The following RPTOR variants were observed in gnomAD, a reference collection of about 807,000 sequenced individuals.
RPTOR encodes regulatory-associated protein of mTOR.
Under a neutral mutation model 169.9 loss-of-function variants are expected in RPTOR, and 21 were observed. The ratio of observed to expected loss-of-function variants is 0.12; its 90% CI spans 0.09 to 0.18. RPTOR has a LOEUF of 0.18. RPTOR is among the 10% of genes least tolerant of loss of function. RPTOR has a pLI of 1.00. For missense variants in RPTOR, 1,133 were observed against 1,855.9 expected (o/e 0.61, Z 7.16); for synonymous variants, 732 against 753.2 (o/e 0.97, Z 0.46).
chr17:80,637,185 A>T (rs1236635858), intron 2 of RPTOR, among the ~76,000 whole-genome samples: 3 of 152,238 alleles, frequency 2.0e-5, no homozygotes, highest in African/African-American at 7.2e-5. Flanking sequence ...TGAACCATGC[A>T]GGAAGACAGC....
intron 5 of RPTOR, among the ~76,000 whole-genome samples, chr17:80,751,338 G>A (rs2066628456): frequency 6.6e-6 from 1 of 152,202 alleles, no homozygotes; most frequent in South Asian, 2.1e-4. Context: ...CGGCACTCTG[G>A]ACGCATGTGC....
At chr17:80,799,666 G>A (rs1181061627) in intron 7 of RPTOR, among the ~76,000 whole-genome samples, 1 of 152,122 alleles carries the variant, frequency 6.6e-6, no homozygotes, top group Non-Finnish European at 1.5e-5. Context: ...CAAGCTTCAT[G>A]ACCTGCAGGA....
At chr17:80,584,441 G>A (rs2065041833) in intron 1 of RPTOR, among the ~76,000 whole-genome samples, 1 of 149,336 alleles carries the variant, frequency 6.7e-6, no homozygotes, top group Non-Finnish European at 1.5e-5. Context: ...CTGGGAAAAA[G>A]CCCTGTGGAA....
In RPTOR at chr17:80,960,009, C is replaced by G. The variant is rs373875827; in HGVS notation, c.3478-69C>G. The G allele has an allele frequency of 1.3e-6, 2 of 1,581,628 alleles. No individual in the cohort carries two copies. Among genetic ancestry groups the G allele is most frequent in the Non-Finnish European group, 1.7e-6 (2 of 1,157,828 alleles). The stretch of plus-strand genomic sequence containing the variant: ...AGGCAGGCAGCAAGAGGGGTCCTGG[C>G]GCTGCAGGACAGCAGGGAGGGTGGC... On this transcript the variant is annotated intron_variant, in intron 29 of 33. Transcript: ENST00000306801. This position sits in a 1 kb window ranked among gnomAD's most constrained non-coding sequence, Gnocchi z 4.8.
intron 2 of RPTOR, among the ~76,000 whole-genome samples, chr17:80,631,850 G>A (rs1224039294): frequency 2.0e-5 from 3 of 152,146 alleles, no homozygotes; most frequent in African/African-American, 7.2e-5. Context: ...GCAGCAGGAG[G>A]ATTGCTTGAG....
intron 6 of RPTOR, among the ~76,000 whole-genome samples, chr17:80,766,858 C>A (rs2066792759): frequency 6.6e-6 from 1 of 151,848 alleles, no homozygotes; most frequent in Non-Finnish European, 1.5e-5. Context: ...ACATTAAACC[C>A]TAAGTAAGTA....
At chr17:80,773,856 T>C (rs933707314) in intron 6 of RPTOR, 5 of 985,216 alleles carry the variant, frequency 5.1e-6, no homozygotes, top group African/African-American at 1.7e-5. Context: ...GTGTGTTCTG[T>C]TGTGCATCAG....
chr17:80,686,419 A>G (rs970730631), intron 3 of RPTOR, among the ~76,000 whole-genome samples: 5 of 151,428 alleles, frequency 3.3e-5, no homozygotes, highest in African/African-American at 1.2e-4. Context: ...CCTCCTTTGA[A>G]GTAGACGCAA....
intron 3 of RPTOR, among the ~76,000 whole-genome samples, chr17:80,665,832 C>G (rs186753497): frequency 6.6e-6 from 1 of 152,122 alleles, no homozygotes. Flanking sequence ...CGTGAGCCAC[C>G]GCGCCCGGCC....
Position 80,964,211 on chromosome 17 carries a change from C to CA in RPTOR, c.3940-50dup. 4.5e-6 allele frequency: 6 copies of CA among 1,328,136 alleles called. No individual in the cohort carries two copies. In the Admixed American group the frequency reaches 5.2e-5, roughly 11 times the overall value. 82.3% of individuals were successfully genotyped at this position (1,328,136 alleles called of 1,614,324 possible). On this transcript the variant is annotated intron_variant, in intron 33 of 33. Transcript: ENST00000306801. The stretch of plus-strand genomic sequence containing the variant: ...TTGGCCTGCGCCCCCCCGCCCCCCG[C>CA]AGTGTCTGCCCGCACCTGAACCCCT...
At chr17:80,895,980 A>G (rs145058677) in intron 20 of RPTOR, among the ~76,000 whole-genome samples, 99 of 152,258 alleles carry the variant, frequency 6.5e-4, no homozygotes, top group African/African-American at 2.2e-3. Flanking sequence ...CATCTAATCT[A>G]TGACTTTTTA....
At chr17:80,709,216 T>A in intron 4 of RPTOR, 3 of 448,698 alleles carry the variant, frequency 6.7e-6, no homozygotes, top group Non-Finnish European at 5.9e-6. Flanking sequence ...AAATATTGAG[T>A]AAATTCAAAA....
chr17:80,912,285 C>A (rs2068622440), intron 21 of RPTOR, among the ~76,000 whole-genome samples: 1 of 152,172 alleles, frequency 6.6e-6, no homozygotes, highest in African/African-American at 2.4e-5. Flanking sequence ...TGGCTGTGGC[C>A]ATGGACCACC....
Position 80,653,994 on chromosome 17 carries a change from C to G in RPTOR, c.348+10184C>G, listed in dbSNP as rs1400894773. ...TTTGATGCTTCCCTGGATGGCCAGG[C>G]TGTACGGCCAGTGTTAAAAGACAGA... On this transcript the variant is annotated intron_variant, in intron 3 of 33. Coordinates refer to ENST00000306801, the MANE Select transcript of RPTOR (RefSeq NM_020761.3). 2.6e-5 allele frequency among the ~76,000 whole-genome samples: 4 copies of G among 151,498 alleles called. No homozygotes were observed. The East Asian group carries it at 7.8e-4, about 30-fold the overall frequency.
chr17:80,552,982 C>A (rs2084363827), intron 1 of RPTOR, among the ~76,000 whole-genome samples: 1 of 152,204 alleles, frequency 6.6e-6, no homozygotes, highest in Non-Finnish European at 1.5e-5. Context: ...TTCTCCTAGA[C>A]CCTTGCAGGG....
Position 80,737,807 on chromosome 17 carries a change from C to CCA in RPTOR, c.654+7102_654+7103insAC, listed in dbSNP as rs1717757252. ...CATTCTTTCTCTCTCTTTTTCTCCC[C>CCA]CGCCCCCCCGCCACACTCACTCCAC... On this transcript the variant is annotated intron_variant, in intron 5 of 33. Transcript: ENST00000306801. 2.8e-5 allele frequency among the ~76,000 whole-genome samples: 4 copies of CCA among 142,558 alleles called. No individual in the cohort carries two copies. In the South Asian group the frequency reaches 6.5e-4, roughly 23 times the overall value. 93.5% of individuals were successfully genotyped at this position (142,558 alleles called of 152,430 possible).
At chr17:80,655,473 G>T (rs2065672322) in intron 3 of RPTOR, among the ~76,000 whole-genome samples, 1 of 142,054 alleles carries the variant, frequency 7.0e-6, no homozygotes, top group Non-Finnish European at 1.5e-5. Context: ...GATGCAGTCA[G>T]CTTACTGCAG....
intron 21 of RPTOR, among the ~76,000 whole-genome samples, chr17:80,918,496 G>C (rs76170556): frequency 0.1 from 2,054 of 20,250 alleles, 20 homozygotes; most frequent in African/African-American, 0.14. Context: ...GCACCCTCGC[G>C]GGGGTCATAG....
chr17:80,867,311 CAA>C (rs1294738123), intron 13 of RPTOR, among the ~76,000 whole-genome samples: 2 of 151,640 alleles, frequency 1.3e-5, no homozygotes, highest in Non-Finnish European at 2.9e-5. Context: ...ATTACCATCT[CAA>C]GAGATGCAGG....
Sources: gnomAD v4.1 joint callset for allele counts (sites outside exome capture counted in the v4.1 genomes callset) on GRCh38, gnomAD v4.1.1 for gene constraint, Gnocchi (gnomAD v3.1) non-coding constraint, MANE v1.5 for transcripts, NCBI Gene and HGNC (gene_info 2026-07-23, HGNC 2026-07-21) for gene names.